GALNT1: variants seen among roughly 807,000 people sequenced by gnomAD.
GALNT1 encodes GalNAc transferase 1.
GALNT1 carries 17 observed loss-of-function variants against 65.7 expected under a neutral mutation model. The observed-to-expected ratio is 0.26, with a 90% CI of 0.18 to 0.39. The LOEUF is 0.39. Ranked by LOEUF, GALNT1 falls within the 10% of genes least tolerant of loss-of-function variation. The pLI is 1.00. For synonymous variants in GALNT1, 210 were observed against 219.7 expected (o/e 0.96, Z 0.39); for missense variants, 460 against 672.8 (o/e 0.68, Z 3.50).
At position 35,710,833 on chromosome 18, in the gene GALNT1, TTATTTGGG is replaced by T. The variant is rs1251484275; in HGVS notation, c.*1071_*1078del. 1 of 152,658 alleles carries T rather than the reference TTATTTGGG, an allele frequency of 6.6e-6. No individual in the cohort carries two copies. Among genetic ancestry groups the T allele is most frequent in the Non-Finnish European group, 1.5e-5 (1 of 68,030 alleles). The allele number at this position is 152,658 out of a possible 1,614,324, so 9.5% of individuals were successfully genotyped here. On this transcript the variant is annotated 3_prime_UTR_variant, in exon 12 of 12. Coordinates refer to ENST00000269195, the MANE Select transcript of GALNT1 (RefSeq NM_020474.4). ...ACAAAAGGCCTGCAGAAGTGATTTA[TTATTTGGG>T]TATTTGGAGATAATACATTTGATGG...
At chr18:35,591,787 C>T (rs1000125726) in intron 1 of GALNT1, 3 of 154,338 alleles carry the variant, frequency 1.9e-5, no homozygotes, top group Non-Finnish European at 4.4e-5. Flanking sequence ...GGAAATGAGG[C>T]TAATGCACTA....
intron 1 of GALNT1, among the ~76,000 whole-genome samples, chr18:35,652,553 T>C (rs193154572): frequency 5.5e-4 from 84 of 152,286 alleles, no homozygotes; most frequent in African/African-American, 2.0e-3. Flanking sequence ...TGACTGCCTA[T>C]TGACACCTCG....
chr18:35,638,066 A>C lies in GALNT1; in HGVS notation c.-103-16494A>C, dbSNP rs190217704. The stretch of plus-strand genomic sequence containing the variant: ...AAATATTACTTTTCATTGAGAATGC[A>C]CCTGGTTACCCAAGAGCTGTGATGG... On this transcript the variant is annotated intron_variant, in intron 1 of 11. Transcript: ENST00000269195. Among the ~76,000 whole-genome samples, 5 of 152,344 alleles carry C rather than the reference A, an allele frequency of 3.3e-5. No homozygotes were observed. In the East Asian group the frequency reaches 9.6e-4, roughly 29 times the overall value.
At chr18:35,601,009 T>C (rs1465369157) in intron 1 of GALNT1, among the ~76,000 whole-genome samples, 2 of 152,106 alleles carry the variant, frequency 1.3e-5, no homozygotes, top group African/African-American at 4.8e-5. Context: ...ATAATTTGAG[T>C]AGAATTGGTA....
At chr18:35,663,968 A>G (rs924441716) in intron 3 of GALNT1, 166 bp downstream of exon 3, 13 of 606,168 alleles carry the variant, frequency 2.1e-5, no homozygotes, top group South Asian at 1.3e-4. Flanking sequence ...TAATATCTCA[A>G]GCTTCTACTG....
chr18:35,654,549 T>G lies in GALNT1; in HGVS notation c.-103-11T>G. ...TTTTAAGTTAATCTTTTTTCCTTTC[T>G]TTCTCTATAGGGTATGAACGTGATT... On this transcript the variant is annotated splice_polypyrimidine_tract_variant and intron_variant, in intron 1 of 11. Coordinates refer to ENST00000269195, the MANE Select transcript of GALNT1 (RefSeq NM_020474.4). 1 of 441,792 alleles carries G rather than the reference T, an allele frequency of 2.3e-6. No individual in the cohort carries two copies. Among genetic ancestry groups the G allele is most frequent in the Non-Finnish European group, 3.5e-6 (1 of 289,784 alleles). The allele number at this position is 441,792 out of a possible 1,614,324, so 27.4% of individuals were successfully genotyped here.
intron 1 of GALNT1, among the ~76,000 whole-genome samples, chr18:35,627,861 C>A (rs1424720624): frequency 6.6e-6 from 1 of 152,196 alleles, no homozygotes; most frequent in Non-Finnish European, 1.5e-5. Context: ...CATCGGGTCA[C>A]TCCCACCCTA....
chr18:35,622,423 T>C (rs76871028), intron 1 of GALNT1, among the ~76,000 whole-genome samples: 9,366 of 152,180 alleles, frequency 0.062, 319 homozygotes, highest in South Asian at 0.077. Context: ...GGCTAACTTT[T>C]GTATTTTTTG....
At position 35,709,585 on chromosome 18, in the gene GALNT1, T is replaced by C. The variant is rs775310510; in HGVS notation, c.1534-39T>C. ...CAAAACTGATGCTTGAGGTGTTTTG[T>C]TTTCTTCCACTCTCATGTTAAGATT... On this transcript the variant is annotated intron_variant, in intron 11 of 11. Transcript: ENST00000269195. 6.2e-6 allele frequency: 10 copies of C among 1,606,892 alleles called. No individual in the cohort carries two copies. In the East Asian group the frequency reaches 2.0e-4, roughly 32 times the overall value.
In GALNT1 at chr18:35,683,499, C is replaced by T. The variant is rs769293373; in HGVS notation, c.590C>T (p.Ala197Val). 6.2e-7 allele frequency: 1 copy of T among 1,613,784 alleles called. No homozygotes were observed. The change falls in exon 5 of 12, where the codon GCT becomes GTT. Residue 197 changes from alanine (A) to valine (V), a missense_variant. Physicochemically the swap from Ala to Val is moderately conservative, Grantham distance 64. Coordinates refer to ENST00000269195, the MANE Select transcript of GALNT1 (RefSeq NM_020474.4). The part of the protein sequence containing the change: ...SGLIRARLKG[A>V]AVSKGQVITF... ...TTGATCAGAGCTAGATTAAAAGGAG[C>T]TGCTGTGTCTAAAGGCCAAGTGATC... is the stretch of plus-strand genomic sequence containing the variant.
chr18:35,612,818 T>C lies in GALNT1; in HGVS notation c.-104+30956T>C, dbSNP rs546860121. ...AGGTGGAGGTTGCAGTGAGCTAATA[T>C]CGCACCATTGCACTCCAGCCTGGGC... On this transcript the variant is annotated intron_variant, in intron 1 of 11. Transcript: ENST00000269195. 7.2e-5 allele frequency among the ~76,000 whole-genome samples: 11 copies of C among 151,878 alleles called. No homozygotes were observed. In the South Asian group the frequency reaches 1.9e-3, roughly 26 times the overall value.
At chr18:35,665,688 G>A (rs1047670939) in intron 3 of GALNT1, among the ~76,000 whole-genome samples, 17 of 152,276 alleles carry the variant, frequency 1.1e-4, no homozygotes, top group Middle Eastern at 3.4e-3. Context: ...AGCAACTCTA[G>A]AAACAAAGGA....
At chr18:35,663,917 C>T in intron 3 of GALNT1, 115 bp downstream of exon 3, 1 of 853,966 alleles carries the variant, frequency 1.2e-6, no homozygotes, top group Non-Finnish European at 1.9e-6. Flanking sequence ...CACTATGTTA[C>T]TACTTACCCC....
intron 1 of GALNT1, among the ~76,000 whole-genome samples, chr18:35,650,201 G>C (rs2047292042): frequency 6.6e-6 from 1 of 152,080 alleles, no homozygotes. Flanking sequence ...TGGGAGTCTG[G>C]GGGAGACATC....
At position 35,632,798 on chromosome 18, in the gene GALNT1, C is replaced by T. The variant is rs554178701; in HGVS notation, c.-103-21762C>T. ...ATGGGAGAAAATTTTTGCAATCTAC[C>T]CATCTGACAAAGGGCTAATATCCAG... is the stretch of plus-strand genomic sequence containing the variant. On this transcript the variant is annotated intron_variant, in intron 1 of 11. Transcript: ENST00000269195. Among the ~76,000 whole-genome samples the T allele has an allele frequency of 6.9e-3, 1,054 of 151,766 alleles. 10 individuals are homozygous for T. The highest frequency in any genetic ancestry group is 0.019 in the African/African-American group (790 of 41,382).
At chr18:35,590,572 A>C (rs542698515) in intron 1 of GALNT1, among the ~76,000 whole-genome samples, 1 of 152,190 alleles carries the variant, frequency 6.6e-6, no homozygotes, top group Non-Finnish European at 1.5e-5. Context: ...AAAGGAGTAG[A>C]ATTTGCATTG....
chr18:35,621,237 A>ATCTGAATATTTCTTCCC (rs1176006185), intron 1 of GALNT1, among the ~76,000 whole-genome samples: 3 of 149,482 alleles, frequency 2.0e-5, no homozygotes, highest in Non-Finnish European at 3.0e-5. Flanking sequence ...GGAGTGCAGT[A>ATCTGAATATTTCTTCCC]GTGGGATCAC....
intron 1 of GALNT1, among the ~76,000 whole-genome samples, chr18:35,649,908 T>C (rs2047286919): frequency 6.6e-6 from 1 of 152,212 alleles, no homozygotes. Context: ...TAGCACTCAC[T>C]GGTGCACTGT....
chr18:35,700,744 A>C (rs991663318), intron 9 of GALNT1, among the ~76,000 whole-genome samples: 1 of 152,162 alleles, frequency 6.6e-6, no homozygotes, highest in Non-Finnish European at 1.5e-5. Flanking sequence ...CGGCCTCCCA[A>C]AGTGCTAGGA....
Sources: allele counts gnomAD v4.1 joint callset (sites outside exome capture counted in the v4.1 genomes callset), GRCh38; gene constraint gnomAD v4.1.1; transcripts MANE v1.5; gene names NCBI Gene and HGNC (gene_info 2026-07-23, HGNC 2026-07-21).